Variants in BCL2 observed in about 807,000 individuals in gnomAD.
BCL2 encodes BCL2 apoptosis regulator, also known as apoptosis regulator Bcl-2.
In BCL2, 1 loss-of-function variant was observed where a neutral mutation model predicts 14.2. The observed-to-expected ratio is 0.07, with a 90% confidence interval of 0.02 to 0.33. BCL2 has a LOEUF of 0.33. Among genes scored for constraint, BCL2 ranks in the 10% least tolerant of loss-of-function variants. The pLI is 0.99. For synonymous variants in BCL2, 151 were observed against 137.2 expected, an observed-to-expected ratio of 1.10 and a Z score of -0.70; for missense variants, 247 against 305.9, an observed-to-expected ratio of 0.81 and a Z score of 1.44.
At chr18:63,313,419 T>C (rs1336968572) in intron 2 of BCL2, among the ~76,000 whole-genome samples, 1 of 152,224 alleles carries the variant, frequency 6.6e-6, no homozygotes, top group Non-Finnish European at 1.5e-5. Flanking sequence ...AGTGGTCTCC[T>C]ACATGTGGTT....
chr18:63,309,296 C>T (rs1002353411), intron 2 of BCL2, among the ~76,000 whole-genome samples: 2 of 152,180 alleles, frequency 1.3e-5, no homozygotes, highest in Non-Finnish European at 2.9e-5. Context: ...ATGGTTCAAC[C>T]TCAATTTTTC....
At chr18:63,176,555 T>C (rs962798449) in intron 2 of BCL2, among the ~76,000 whole-genome samples, 4 of 152,230 alleles carry the variant, frequency 2.6e-5, no homozygotes, top group African/African-American at 4.8e-5. Flanking sequence ...GAGTGGGTGG[T>C]AGTAGCGGGT....
chr18:63,276,272 G>A (rs1305986165), intron 2 of BCL2, among the ~76,000 whole-genome samples: 2 of 152,196 alleles, frequency 1.3e-5, no homozygotes, highest in African/African-American at 4.8e-5. Flanking sequence ...TAAAACCTAG[G>A]TTGGGTCACT....
intron 2 of BCL2, among the ~76,000 whole-genome samples, chr18:63,136,590 A>G (rs185448822): frequency 1.3e-5 from 2 of 152,270 alleles, no homozygotes; most frequent in African/African-American, 2.4e-5. Context: ...AGAGAAAAAA[A>G]GGAAAAGACT....
At chr18:63,194,799 T>C (rs1234404257) in intron 2 of BCL2, among the ~76,000 whole-genome samples, 6 of 152,180 alleles carry the variant, frequency 3.9e-5, no homozygotes, top group African/African-American at 1.4e-4. Flanking sequence ...AAAAGTCTGA[T>C]CCCAAGGGTT....
chr18:63,218,655 A>C, intron 2 of BCL2, among the ~76,000 whole-genome samples: 3 of 134,242 alleles, frequency 2.2e-5, no homozygotes, highest in Admixed American at 7.5e-5. Flanking sequence ...TCCTCCACTC[A>C]TCCCCATCCT....
chr18:63,318,446 G>C lies in BCL2; in HGVS notation c.221C>G (p.Thr74Ser). The C allele has an allele frequency of 6.8e-7, 1 of 1,473,102 alleles. No homozygotes were observed. The highest frequency in any genetic ancestry group is 8.9e-7 in the Non-Finnish European group (1 of 1,122,672). The allele number at this position is 1,473,102 out of a possible 1,614,324, so 91.3% of individuals were successfully genotyped here. A position where few individuals can be genotyped will look rare whatever the true frequency, so the allele number is the denominator to read the frequency against. Residue 74 changes from threonine to serine, a missense_variant, in exon 2 of 3, where the codon ACC (threonine) becomes AGC (serine). By Grantham distance (58) the Thr-to-Ser change is moderately conservative. This residue lies in a region of BCL2 where 144 missense variants were observed against 135.3 expected (regional missense o/e 1.06). Coordinates refer to ENST00000333681, the MANE Select transcript of BCL2 (RefSeq NM_000633.3). This position sits in a 1 kb window ranked among gnomAD's most constrained non-coding sequence, Gnocchi z 7.4. ...DPVARTSPLQ[T>S]PAAPGAAAGP... ...CGCGGCGGCGCCGGGGGCAGCCGGG[G>C]TCTGCAGCGGCGAGGTCCTGGCGAC...
At chr18:63,173,145 TA>T (rs1234883255) in intron 2 of BCL2, among the ~76,000 whole-genome samples, 3 of 152,054 alleles carry the variant, frequency 2.0e-5, no homozygotes, top group Non-Finnish European at 2.9e-5. Flanking sequence ...TAATCGTAAT[TA>T]AAAACTGAAA....
chr18:63,288,336 C>T (rs1465765332), intron 2 of BCL2, among the ~76,000 whole-genome samples: 2 of 152,192 alleles, frequency 1.3e-5, no homozygotes, highest in East Asian at 1.9e-4. Context: ...AACATACTTG[C>T]CACGAACACT....
intron 2 of BCL2, among the ~76,000 whole-genome samples, chr18:63,261,689 T>C (rs1384883509): frequency 6.6e-6 from 1 of 152,128 alleles, no homozygotes; most frequent in African/African-American, 2.4e-5. Flanking sequence ...TTCTGAAAAA[T>C]AAAATGTCCT....
chr18:63,156,865 C>T lies in BCL2; in HGVS notation c.586-28106G>A, dbSNP rs568077360. Among the ~76,000 whole-genome samples the T allele has an allele frequency of 5.3e-4, 81 of 152,228 alleles. 1 individual carries two copies. The South Asian group carries it at 0.011, about 20-fold the overall frequency. On this transcript the variant is annotated intron_variant, in intron 2 of 2. Transcript: ENST00000333681. ...CAGGTAGAAACGCTTGCCCAGGAGG[C>T]GTCTCTCTGGTGGAGGAGTAAACCT...
chr18:63,152,684 A>G (rs1029686262), intron 2 of BCL2, among the ~76,000 whole-genome samples: 1 of 152,230 alleles, frequency 6.6e-6, no homozygotes, highest in Admixed American at 6.5e-5. Context: ...AGGCAAAACA[A>G]TAGCTTATCA....
intron 2 of BCL2, among the ~76,000 whole-genome samples, chr18:63,254,685 C>T (rs79616131): frequency 0.024 from 3,682 of 152,190 alleles, 62 homozygotes; most frequent in Non-Finnish European, 0.037. Context: ...TAAATTAATA[C>T]ACGTATTTAA....
At chr18:63,270,416 C>A (rs1721407396) in intron 2 of BCL2, among the ~76,000 whole-genome samples, 2 of 152,142 alleles carry the variant, frequency 1.3e-5, no homozygotes, top group Admixed American at 1.3e-4. Context: ...AGCTCTTAAC[C>A]TACCGATAGG....
chr18:63,264,453 C>A (rs899547311), intron 2 of BCL2, among the ~76,000 whole-genome samples: 1 of 152,030 alleles, frequency 6.6e-6, no homozygotes, highest in Non-Finnish European at 1.5e-5. Flanking sequence ...GTGTCTCCTA[C>A]CCCTGGAATT....
At chr18:63,262,766 GA>G (rs1272222882) in intron 2 of BCL2, among the ~76,000 whole-genome samples, 1 of 151,948 alleles carries the variant, frequency 6.6e-6, no homozygotes, top group Non-Finnish European at 1.5e-5. Context: ...CTCATCATAG[GA>G]AAAAGGGAAA....
intron 2 of BCL2, among the ~76,000 whole-genome samples, chr18:63,155,447 C>A (rs1317689497): frequency 6.6e-6 from 1 of 151,320 alleles, no homozygotes; most frequent in Non-Finnish European, 1.5e-5. Flanking sequence ...GTGGGGAGGG[C>A]CCTTAGTGGG....
intron 2 of BCL2, among the ~76,000 whole-genome samples, chr18:63,182,216 CT>C (rs146666736): frequency 0.02 from 2,987 of 152,330 alleles, 31 homozygotes; most frequent in South Asian, 0.054. Context: ...CTTTTAAATA[CT>C]CCAGGCTGAT....
In BCL2 at chr18:63,176,920, C is replaced by CTT. The variant is rs11346034; in HGVS notation, c.586-48163_586-48162dup. On this transcript the variant is annotated intron_variant, in intron 2 of 2. Transcript: ENST00000333681. ...AAGAACTTGATGTTTTTCTTCTTTT[C>CTT]TTTTTTTTTTTTTGAGACAGGGTCT... is the stretch of plus-strand genomic sequence containing the variant. Among the ~76,000 whole-genome samples the CTT allele has an allele frequency of 2.0e-3, 287 of 144,342 alleles. 1 individual carries two copies. Among genetic ancestry groups the CTT allele is most frequent in the African/African-American group, 6.3e-3 (247 of 39,090 alleles). 94.7% of individuals were successfully genotyped at this position (144,342 alleles called of 152,430 possible).
Sources: gnomAD v4.1 joint callset for allele counts (sites outside exome capture counted in the v4.1 genomes callset) on GRCh38, gnomAD v4.1.1 for gene constraint, gnomAD v4.1.1 regional missense constraint, Gnocchi (gnomAD v3.1) non-coding constraint, MANE v1.5 for transcripts, NCBI Gene and HGNC (gene_info 2026-07-23, HGNC 2026-07-21) for gene names.